UNC79: variants seen among roughly 807,000 people sequenced by gnomAD.
The protein encoded by UNC79 is unc-79 subunit of NALCN channel complex.
A neutral mutation model predicts 283.1 loss-of-function variants in UNC79; 37 were observed. The ratio of observed to expected loss-of-function variants is 0.13; its 90% confidence interval spans 0.10 to 0.17. The LOEUF (loss-of-function observed/expected upper bound fraction) is 0.17, where lower values mean the gene tolerates loss of function less well. Among genes scored for constraint, UNC79 ranks in the 10% least tolerant of loss-of-function variants. The pLI, the probability that UNC79 is intolerant of heterozygous loss-of-function variation, is 1.00. For missense variants in UNC79, 2,272 were observed against 3,211.1 expected, an observed-to-expected ratio of 0.71 and a Z score of 7.07; for synonymous variants, 1,107 against 1,200.2, an observed-to-expected ratio of 0.92 and a Z score of 1.61.
At chr14:93,424,954 A>G (rs943050811) in intron 1 of UNC79, among the ~76,000 whole-genome samples, 1 of 152,234 alleles carries the variant, frequency 6.6e-6, no homozygotes, top group African/African-American at 2.4e-5. Context: ...GCATGCCTAT[A>G]TCAAAACATC....
rs564075757 is a variant in UNC79 at position 93,544,282 on chromosome 14, TA to T, written c.1755+1590del. Among the ~76,000 whole-genome samples the T allele has an allele frequency of 1.5e-4, 23 of 152,238 alleles. No homozygotes were observed. In the South Asian group the frequency reaches 4.8e-3, roughly 32 times the overall value. ...AAATTACTTCCTGAATAGCCAGAAA[TA>T]AAAGATTTATATATCAAACTTAACA... On this transcript the variant is annotated intron_variant, in intron 14 of 48. Coordinates refer to ENST00000555664, the Ensembl canonical transcript of UNC79.
chr14:93,668,322 C>T (rs1001155717), intron 40 of UNC79, among the ~76,000 whole-genome samples: 4 of 152,112 alleles, frequency 2.6e-5, no homozygotes, highest in Admixed American at 2.6e-4. Flanking sequence ...AAATGAATAC[C>T]CAGAAATCAC....
At chr14:93,448,808 A>T (rs748661761) in intron 1 of UNC79, among the ~76,000 whole-genome samples, 3 of 152,180 alleles carry the variant, frequency 2.0e-5, no homozygotes, top group Non-Finnish European at 4.4e-5. Context: ...TCAGTCAAAG[A>T]TGTCAGAGTT....
chr14:93,405,247 C>T (rs1444511851), intron 1 of UNC79, among the ~76,000 whole-genome samples: 2 of 150,958 alleles, frequency 1.3e-5, no homozygotes, highest in African/African-American at 4.9e-5. Flanking sequence ...CACACCATTG[C>T]ACTCCAGCCT....
intron 11 of UNC79, among the ~76,000 whole-genome samples, chr14:93,537,342 A>G (rs1166009239): frequency 2.6e-5 from 4 of 152,174 alleles, no homozygotes; most frequent in African/African-American, 9.7e-5. Context: ...GTTGATGTCA[A>G]TGCTGACTCT....
At chr14:93,684,637 A>T (rs936812431) in intron 42 of UNC79, among the ~76,000 whole-genome samples, 16 of 152,278 alleles carry the variant, frequency 1.1e-4, no homozygotes, top group African/African-American at 2.9e-4. Context: ...TAGAAAAATT[A>T]AAAAAACTTG....
In UNC79 at chr14:93,420,439, G is replaced by A. The variant is rs975534703; in HGVS notation, c.-350-47232G>A. 1.4e-4 allele frequency among the ~76,000 whole-genome samples: 21 copies of A among 151,656 alleles called. 1 individual carries two copies. The highest frequency in any genetic ancestry group is 5.1e-4 in the African/African-American group (21 of 41,380). On this transcript the variant is annotated intron_variant, in intron 1 of 49. Coordinates refer to the UNC79 transcript ENST00000256339. ...GTAAATATATATGTACTCAATAGGG[G>A]AGTACCCAGATATATGAAGAAAATA...
intron 7 of UNC79, among the ~76,000 whole-genome samples, chr14:93,512,667 A>G (rs2059882375): frequency 6.6e-6 from 1 of 152,140 alleles, no homozygotes; most frequent in African/African-American, 2.4e-5. Context: ...CCAGTCAATG[A>G]GTTAGTAATT....
chr14:93,689,912 C>G (rs2074556425), intron 44 of UNC79: 1 of 581,228 alleles, frequency 1.7e-6, no homozygotes, highest in Non-Finnish European at 3.0e-6. Context: ...CTGTTCTTTT[C>G]TCAAGAAGCT....
intron 1 of UNC79, among the ~76,000 whole-genome samples, chr14:93,387,254 C>G (rs1410543020): frequency 1.3e-5 from 2 of 151,974 alleles, no homozygotes. Flanking sequence ...CTGCTCTGAT[C>G]TTTATTGTTT....
chr14:93,580,130 T>A lies in UNC79; in HGVS notation c.2434-19T>A. The A allele has an allele frequency of 2.5e-6, 4 of 1,592,558 alleles. No individual in the cohort carries two copies. Among genetic ancestry groups the A allele is most frequent in the Non-Finnish European group, 3.4e-6 (4 of 1,167,842 alleles). On this transcript the variant is annotated intron_variant, in intron 18 of 48. Transcript: ENST00000555664. The stretch of plus-strand genomic sequence containing the variant: ...TTTTTGTGTGTGTGTGCGTGTGTCC[T>A]TTTTTTGATGTCTTTCAGATGGAGT...
At chr14:93,551,046 A>T (rs964798611) in intron 14 of UNC79, among the ~76,000 whole-genome samples, 1 of 151,608 alleles carries the variant, frequency 6.6e-6, no homozygotes, top group Non-Finnish European at 1.5e-5. Flanking sequence ...TTATTTATTT[A>T]TTTATTTTAT....
At chr14:93,400,034 C>T (rs910713081) in intron 1 of UNC79, among the ~76,000 whole-genome samples, 41 of 152,246 alleles carry the variant, frequency 2.7e-4, no homozygotes, top group Non-Finnish European at 4.4e-4. Context: ...GCATGTTATC[C>T]ATCATTGACC....
intron 23 of UNC79, among the ~76,000 whole-genome samples, chr14:93,595,437 G>C (rs11624138): frequency 0.074 from 11,235 of 151,986 alleles, 915 homozygotes; most frequent in African/African-American, 0.2. Flanking sequence ...GGGTTTTTTT[G>C]AATGCCTAGA....
chr14:93,602,927 C>A (rs961196546), intron 25 of UNC79, among the ~76,000 whole-genome samples: 1 of 152,178 alleles, frequency 6.6e-6, no homozygotes, highest in Non-Finnish European at 1.5e-5. Context: ...AGGCATGAGC[C>A]ACCACACCTG....
intron 1 of UNC79, among the ~76,000 whole-genome samples, chr14:93,396,952 T>C (rs2055011316): frequency 6.6e-6 from 1 of 152,084 alleles, no homozygotes; most frequent in African/African-American, 2.4e-5. Context: ...CCACTGAGTA[T>C]GGGCACAGGC....
At chr14:93,463,386 C>T (rs2057032145) in intron 1 of UNC79, among the ~76,000 whole-genome samples, 1 of 152,096 alleles carries the variant, frequency 6.6e-6, no homozygotes, top group African/African-American at 2.4e-5. Flanking sequence ...AGAATGTGTG[C>T]AAGACTCTTC....
intron 1 of UNC79, among the ~76,000 whole-genome samples, chr14:93,339,729 G>A (rs1040747369): frequency 6.6e-6 from 1 of 152,250 alleles, no homozygotes; most frequent in African/African-American, 2.4e-5. Flanking sequence ...ATTAGCTCAG[G>A]ACATTCTGTT....
chr14:93,460,844 G>T (rs937740904), intron 1 of UNC79, among the ~76,000 whole-genome samples: 1 of 152,166 alleles, frequency 6.6e-6, no homozygotes, highest in Admixed American at 6.5e-5. Flanking sequence ...GAGCAGTATA[G>T]TGAGACTCTG....
Sources: gnomAD v4.1 joint callset for allele counts (sites outside exome capture counted in the v4.1 genomes callset) on GRCh38, gnomAD v4.1.1 for gene constraint, MANE v1.5 for transcripts, NCBI Gene and HGNC (gene_info 2026-07-23, HGNC 2026-07-21) for gene names.